The following CDH4 variants were observed in gnomAD, a reference collection of about 807,000 sequenced individuals.
CDH4 encodes cadherin 4, also known as cadherin-4.
In CDH4, 33 loss-of-function variants were observed where a neutral mutation model predicts 86.0. That is an observed-to-expected ratio of 0.38 (90% confidence interval 0.29 to 0.51). The LOEUF (loss-of-function observed/expected upper bound fraction) is 0.51, where lower values mean the gene tolerates loss of function less well. CDH4 is among the 20% of genes least tolerant of loss of function. The pLI, the probability that CDH4 is intolerant of heterozygous loss-of-function variation, is 0.86. For missense variants in CDH4, 1,114 were observed against 1,307.4 expected, an observed-to-expected ratio of 0.85 and a Z score of 2.28; for synonymous variants, 555 against 549.4, an observed-to-expected ratio of 1.01 and a Z score of -0.14.
chr20:61,259,530 C>T (rs558532467), intron 2 of CDH4, among the ~76,000 whole-genome samples: 2 of 152,318 alleles, frequency 1.3e-5, no homozygotes, highest in East Asian at 1.9e-4. Flanking sequence ...TGACACTGTT[C>T]GTGTTTCCGA....
chr20:61,616,455 G>A (rs1021350340), intron 2 of CDH4, among the ~76,000 whole-genome samples: 12 of 152,208 alleles, frequency 7.9e-5, no homozygotes, highest in Non-Finnish European at 1.5e-5. Flanking sequence ...GGAAACAGCA[G>A]CCCACCCTGT....
chr20:61,920,260 T>G (rs1474396895), intron 9 of CDH4, among the ~76,000 whole-genome samples: 1 of 131,186 alleles, frequency 7.6e-6, no homozygotes, highest in Non-Finnish European at 1.6e-5. Flanking sequence ...TCACAGTGAT[T>G]GCATGGAAGC....
chr20:61,394,147 C>T (rs1458108941), intron 2 of CDH4, among the ~76,000 whole-genome samples: 1 of 152,156 alleles, frequency 6.6e-6, no homozygotes, highest in Non-Finnish European at 1.5e-5. Context: ...GTCTCAGGTT[C>T]AGCCAGTCAT....
intron 7 of CDH4, among the ~76,000 whole-genome samples, chr20:61,889,891 T>C (rs1048811275): frequency 2.9e-5 from 4 of 140,010 alleles, no homozygotes; most frequent in Non-Finnish European, 4.7e-5. Context: ...GGTGAGTGAA[T>C]GGATGGATGG....
intron 2 of CDH4, among the ~76,000 whole-genome samples, chr20:61,324,345 A>C (rs1168129802): frequency 1.3e-5 from 2 of 152,192 alleles, no homozygotes; most frequent in African/African-American, 4.8e-5. Context: ...GGGGGGCTTA[A>C]AACAACAGAT....
At chr20:61,562,449 G>A (rs1204802957) in intron 2 of CDH4, among the ~76,000 whole-genome samples, 1 of 152,160 alleles carries the variant, frequency 6.6e-6, no homozygotes, top group Non-Finnish European at 1.5e-5. Flanking sequence ...CGGAGAGAGA[G>A]AGGGGCCTCC....
intron 2 of CDH4, among the ~76,000 whole-genome samples, chr20:61,727,414 A>G (rs2088129023): frequency 6.6e-6 from 1 of 152,148 alleles, no homozygotes; most frequent in African/African-American, 2.4e-5. Flanking sequence ...CATCATCATC[A>G]TCTCTGTCAT....
At chr20:61,652,608 A>G (rs1026147221) in intron 2 of CDH4, among the ~76,000 whole-genome samples, 6 of 152,156 alleles carry the variant, frequency 3.9e-5, no homozygotes, top group African/African-American at 1.4e-4. Context: ...GTCACGATGC[A>G]TGGACATTGA....
At position 61,681,685 on chromosome 20, in the gene CDH4, A is replaced by T. The variant is rs1332171613; in HGVS notation, c.170-61878A>T. Among the ~76,000 whole-genome samples, 1 of 152,162 alleles carries T rather than the reference A, an allele frequency of 6.6e-6. No homozygotes were observed. Among genetic ancestry groups the T allele is most frequent in the Admixed American group, 6.5e-5 (1 of 15,288 alleles). On this transcript the variant is annotated intron_variant, in intron 2 of 15. Transcript: ENST00000614565. This position sits in a 1 kb window ranked among gnomAD's most constrained non-coding sequence, Gnocchi z 4.5. ...TGAGGGTGCTGCAGAGCCCCTAAAG[A>T]GCTTTCTGGGCATCGGGAAAGTCCG...
chr20:61,363,555 G>T (rs969118583), intron 2 of CDH4, among the ~76,000 whole-genome samples: 1 of 152,164 alleles, frequency 6.6e-6, no homozygotes, highest in South Asian at 2.1e-4. Context: ...AAATAAGGGG[G>T]ATCTGGCCAA....
intron 6 of CDH4, among the ~76,000 whole-genome samples, chr20:61,864,290 T>TCAA (rs1470576735): frequency 3.9e-5 from 6 of 152,180 alleles, no homozygotes; most frequent in Admixed American, 1.3e-4. Context: ...CCAGTTCTGT[T>TCAA]GCTTCAAGCT....
intron 2 of CDH4, among the ~76,000 whole-genome samples, chr20:61,682,109 G>A (rs1296537128): frequency 6.6e-6 from 1 of 152,204 alleles, no homozygotes; most frequent in Non-Finnish European, 1.5e-5. Flanking sequence ...ACCTTCATGG[G>A]GTGTGGGAAG....
At chr20:61,298,622 A>AT (rs1203632419) in intron 2 of CDH4, among the ~76,000 whole-genome samples, 4 of 143,584 alleles carry the variant, frequency 2.8e-5, no homozygotes, top group South Asian at 2.2e-4. Flanking sequence ...GAACAATAAC[A>AT]TTTTTTTTCT....
In CDH4 at chr20:61,936,842, A is replaced by T; in HGVS notation, c.2650A>T (p.Asn884Tyr). ...CACCGCAGGCTCCGTCAGCTCCCTGAACTCATCCAGTTCCGGGGACCAAGA... is the reference window on the plus strand; with the variant it reads ...CACCGCAGGCTCCGTCAGCTCCCTGTACTCATCCAGTTCCGGGGACCAAGA... The part of the protein sequence containing the change: ...GSTAGSVSSL[N>Y]SSSSGDQDYD... The change falls in exon 16 of 16, where the codon AAC becomes TAC. Residue 884 changes from asparagine (N) to tyrosine (Y), a missense_variant. Coordinates refer to ENST00000614565, the MANE Select transcript of CDH4 (RefSeq NM_001794.5). The T allele has an allele frequency of 6.2e-7, 1 of 1,610,144 alleles. No homozygotes were observed. Among genetic ancestry groups the T allele is most frequent in the Non-Finnish European group, 8.5e-7 (1 of 1,178,982 alleles).
chr20:61,573,012 TGATGGATGGATGGATGGTTGGATG>T (rs1568692521), intron 2 of CDH4, among the ~76,000 whole-genome samples: 78 of 131,356 alleles, frequency 5.9e-4, no homozygotes, highest in African/African-American at 2.2e-3. Context: ...ATGGATGGAT[TGATGGATGGATGGATGGTTGGATG>T]GATGGATGGA....
intron 2 of CDH4, among the ~76,000 whole-genome samples, chr20:61,279,790 G>A (rs1055913402): frequency 1.3e-5 from 2 of 152,238 alleles, no homozygotes; most frequent in Non-Finnish European, 1.5e-5. Flanking sequence ...CAGCACATCT[G>A]CAGGCTGAGC....
intron 2 of CDH4, among the ~76,000 whole-genome samples, chr20:61,547,183 C>T (rs1166832339): frequency 6.7e-6 from 1 of 148,332 alleles, no homozygotes; most frequent in Non-Finnish European, 1.5e-5. Flanking sequence ...CTCTCACATA[C>T]TCAGCCCCAG....
intron 2 of CDH4, among the ~76,000 whole-genome samples, chr20:61,302,844 A>T (rs934321646): frequency 6.6e-6 from 1 of 152,222 alleles, no homozygotes; most frequent in African/African-American, 2.4e-5. Context: ...GGTTGGTGCC[A>T]TAGAACCCCA....
chr20:61,912,765 C>T (rs560164774), intron 9 of CDH4, among the ~76,000 whole-genome samples: 4 of 152,162 alleles, frequency 2.6e-5, no homozygotes, highest in Non-Finnish European at 4.4e-5. Flanking sequence ...TTAGCACAGC[C>T]GGCCCCCCAG....
Sources: gnomAD v4.1 joint callset for allele counts (sites outside exome capture counted in the v4.1 genomes callset) on GRCh38, gnomAD v4.1.1 for gene constraint, Gnocchi (gnomAD v3.1) non-coding constraint, MANE v1.5 for transcripts, NCBI Gene and HGNC (gene_info 2026-07-23, HGNC 2026-07-21) for gene names.